Variants in METTL15 observed in about 807,000 individuals in gnomAD.
METTL15 encodes the protein methyltransferase 15, mitochondrial 12S rRNA N4-cytidine, also known as 12S rRNA N(4)-cytidine methyltransferase METTL15.
In METTL15, 34 loss-of-function variants were observed where a neutral mutation model predicts 38.3. That is an observed-to-expected ratio of 0.89 (90% CI 0.68 to 1.18). The LOEUF is 1.18. Ranked by LOEUF, METTL15 falls within the 50% of genes most tolerant of loss-of-function variation. The probability of loss-of-function intolerance (pLI) is 0.00; values close to 1 mark genes in which losing one functional copy is unlikely to be tolerated. For synonymous variants in METTL15, 162 were observed against 170.9 expected (o/e 0.95, Z 0.41); for missense variants, 438 against 498.4 (o/e 0.88, Z 1.15).
intron 3 of METTL15, among the ~76,000 whole-genome samples, chr11:28,208,717 G>A (rs535930129): frequency 2.6e-5 from 4 of 151,994 alleles, no homozygotes; most frequent in Non-Finnish European, 5.9e-5. Flanking sequence ...GGGTGTTAAA[G>A]TCTCTTATTA....
chr11:28,144,725 G>C (rs7945367), intron 3 of METTL15, among the ~76,000 whole-genome samples: 2 of 151,726 alleles, frequency 1.3e-5, no homozygotes, highest in Non-Finnish European at 2.9e-5. Flanking sequence ...AAATTTTGTG[G>C]TCTGCTTATA....
intron 3 of METTL15, among the ~76,000 whole-genome samples, chr11:28,179,731 C>T (rs1035833436): frequency 2.0e-5 from 3 of 151,604 alleles, no homozygotes; most frequent in African/African-American, 7.3e-5. Context: ...TATGAACATC[C>T]TCATATGTAT....
chr11:28,280,634 T>G (rs779943284), intron 4 of METTL15, among the ~76,000 whole-genome samples: 1 of 151,528 alleles, frequency 6.6e-6, no homozygotes, highest in African/African-American at 2.4e-5. Flanking sequence ...TCTGGTCATA[T>G]GTATGTTAGG....
intron 4 of METTL15, among the ~76,000 whole-genome samples, chr11:28,232,113 ATATGT>A (rs1162195880): frequency 7.9e-5 from 12 of 152,022 alleles, no homozygotes; most frequent in South Asian, 6.2e-4. Context: ...ACTCTTTAAA[ATATGT>A]TATAAGTCTA....
chr11:28,427,221 G>A (rs1166186469), intron 6 of METTL15, among the ~76,000 whole-genome samples: 1 of 151,994 alleles, frequency 6.6e-6, no homozygotes, highest in Non-Finnish European at 1.5e-5. Context: ...TTTTTGTCAG[G>A]TTGTCAAAGA....
chr11:28,163,721 A>G, intron 3 of METTL15: 1 of 333,262 alleles, frequency 3.0e-6, no homozygotes, highest in Non-Finnish European at 5.4e-6. Flanking sequence ...ATCTTTAACT[A>G]AAATTTAGTG....
chr11:28,377,510 C>G (rs561565535), intron 5 of METTL15, among the ~76,000 whole-genome samples: 84 of 152,176 alleles, frequency 5.5e-4, no homozygotes, highest in African/African-American at 2.0e-3. Flanking sequence ...TCAGCTCCAT[C>G]AGCTCCTTTA....
At chr11:28,206,111 A>G (rs1423019852) in intron 3 of METTL15, among the ~76,000 whole-genome samples, 1 of 149,402 alleles carries the variant, frequency 6.7e-6, no homozygotes, top group African/African-American at 2.5e-5. Flanking sequence ...CTTTAGTTTA[A>G]TTAGATCCCA....
intron 5 of METTL15, among the ~76,000 whole-genome samples, chr11:28,393,448 G>A (rs887808998): frequency 6.6e-6 from 1 of 152,104 alleles, no homozygotes; most frequent in African/African-American, 2.4e-5. Context: ...GAATTTTGAA[G>A]TGGCTTAGTT....
chr11:28,286,074 G>T (rs1488070759), intron 4 of METTL15, among the ~76,000 whole-genome samples: 1 of 152,088 alleles, frequency 6.6e-6, no homozygotes, highest in African/African-American at 2.4e-5. Flanking sequence ...ATTATATGAA[G>T]AAATTTATTT....
chr11:28,136,499 A>G (rs1036118897), intron 3 of METTL15, among the ~76,000 whole-genome samples: 16 of 152,162 alleles, frequency 1.1e-4, no homozygotes, highest in African/African-American at 3.9e-4. Flanking sequence ...TCTTGGGTAT[A>G]TCTTTATTAG....
At chr11:28,207,394 T>C (rs1244399421) in intron 3 of METTL15, among the ~76,000 whole-genome samples, 1 of 152,182 alleles carries the variant, frequency 6.6e-6, no homozygotes, top group East Asian at 1.9e-4. Flanking sequence ...TGGTTCTGTT[T>C]ATATGCTGGA....
At chr11:28,472,708 G>T (rs1851313294) in intron 6 of METTL15, among the ~76,000 whole-genome samples, 1 of 152,216 alleles carries the variant, frequency 6.6e-6, no homozygotes, top group African/African-American at 2.4e-5. Flanking sequence ...CACTTTCAAG[G>T]TTAAAAAGCC....
Position 28,377,960 on chromosome 11 carries a change from G to T in METTL15, c.*358+15924G>T, listed in dbSNP as rs1459084254. On this transcript the variant is annotated intron_variant and NMD_transcript_variant, in intron 5 of 7. Coordinates refer to the METTL15 transcript ENST00000532947. ...CCTGCTGGAGGGTGCCTCCCAGTTAGGCTGCTCGGGGGTCAGGGGTCAGGG... is the reference window on the plus strand; with the variant it reads ...CCTGCTGGAGGGTGCCTCCCAGTTATGCTGCTCGGGGGTCAGGGGTCAGGG... Among the ~76,000 whole-genome samples, 4 of 152,158 alleles carry T rather than the reference G, an allele frequency of 2.6e-5. No individual in the cohort carries two copies. In the East Asian group the frequency reaches 7.7e-4, roughly 29 times the overall value.
intron 3 of METTL15, among the ~76,000 whole-genome samples, chr11:28,160,591 A>G (rs901544797): frequency 1.3e-5 from 2 of 152,108 alleles, no homozygotes; most frequent in Non-Finnish European, 2.9e-5. Context: ...TCTTAAAGGC[A>G]ATCCTGATTA....
chr11:28,135,831 C>T (rs1254128914), intron 3 of METTL15, among the ~76,000 whole-genome samples: 2 of 152,126 alleles, frequency 1.3e-5, no homozygotes, highest in Admixed American at 6.6e-5. Flanking sequence ...AATAAATTTC[C>T]TTGACTCTAA....
chr11:28,342,111 C>T (rs1259926777), intron 3 of METTL15, among the ~76,000 whole-genome samples: 1 of 152,124 alleles, frequency 6.6e-6, no homozygotes, highest in Non-Finnish European at 1.5e-5. Flanking sequence ...TGACAACTTA[C>T]AGAAGGAAAA....
downstream of METTL15, among the ~76,000 whole-genome samples, chr11:28,335,542 C>T (rs1331768433): frequency 1.3e-5 from 2 of 152,118 alleles, no homozygotes; most frequent in Non-Finnish European, 2.9e-5. Flanking sequence ...TTATTTGACC[C>T]CTCCAAATCT....
At chr11:28,123,956 TAAC>T in intron 3 of METTL15, 1 of 1,100,984 alleles carries the variant, frequency 9.1e-7, no homozygotes, top group South Asian at 2.2e-5. Context: ...TTATTAATAA[TAAC>T]AACATAGAGT....
Sources: allele counts gnomAD v4.1 joint callset (sites outside exome capture counted in the v4.1 genomes callset), GRCh38; gene constraint gnomAD v4.1.1; transcripts MANE v1.5; gene names NCBI Gene and HGNC (gene_info 2026-07-23, HGNC 2026-07-21).